Variants in CRACD observed in about 807,000 individuals in gnomAD.
CRACD encodes capping protein-inhibiting regulator of actin dynamics.
Under a neutral mutation model 106.8 loss-of-function variants are expected in CRACD, and 56 were observed. The ratio of observed to expected loss-of-function variants is 0.52; its 90% CI spans 0.42 to 0.66. CRACD has a LOEUF of 0.66. CRACD is among the 30% of genes least tolerant of loss of function. The pLI is 0.00. For missense variants in CRACD, 1,730 were observed against 1,623.2 expected, an observed-to-expected ratio of 1.07 and a Z score of -1.13; for synonymous variants, 754 against 670.8, an observed-to-expected ratio of 1.12 and a Z score of -1.92.
At chr4:56,277,788 A>G (rs1156910275) in intron 3 of CRACD, among the ~76,000 whole-genome samples, 6 of 152,232 alleles carry the variant, frequency 3.9e-5, no homozygotes, top group African/African-American at 1.4e-4. Flanking sequence ...CTATTAGACT[A>G]ATAAACAAGA....
intron 2 of CRACD, among the ~76,000 whole-genome samples, chr4:56,183,149 C>G (rs2109440789): frequency 6.6e-6 from 1 of 151,972 alleles, no homozygotes; most frequent in East Asian, 1.9e-4. Context: ...AGGAGAATTG[C>G]TTGAACCTGG....
At chr4:56,184,430 G>T (rs1416646609) in intron 2 of CRACD, among the ~76,000 whole-genome samples, 1 of 151,966 alleles carries the variant, frequency 6.6e-6, no homozygotes, top group Non-Finnish European at 1.5e-5. Context: ...ATATTCTAGT[G>T]AATTAAAACG....
Position 56,260,712 on chromosome 4 carries a change from A to G in CRACD, c.-188-11609A>G, listed in dbSNP as rs1218742416. Among the ~76,000 whole-genome samples the G allele has an allele frequency of 2.6e-5, 4 of 152,338 alleles. No homozygotes were observed. In the East Asian group the frequency reaches 7.7e-4, roughly 29 times the overall value. Reference sequence around the variant, plus strand: ...AGAGCAGAGGCTTTCCTGAGAGAATACATTCCGCCTTTGGACAGCAGCTTC... The same window carrying G: ...AGAGCAGAGGCTTTCCTGAGAGAATGCATTCCGCCTTTGGACAGCAGCTTC... On this transcript the variant is annotated intron_variant, in intron 2 of 10. Coordinates refer to ENST00000682029, the MANE Select transcript of CRACD (RefSeq NM_001393381.1).
At chr4:56,132,469 A>T (rs1370141237) in intron 1 of CRACD, among the ~76,000 whole-genome samples, 1 of 152,086 alleles carries the variant, frequency 6.6e-6, no homozygotes, top group Admixed American at 6.6e-5. Flanking sequence ...CAGCCTTGCC[A>T]GTAGCTGGGG....
intron 1 of CRACD, among the ~76,000 whole-genome samples, chr4:56,136,779 T>G (rs1298720542): frequency 6.6e-6 from 1 of 152,202 alleles, no homozygotes; most frequent in Non-Finnish European, 1.5e-5. Context: ...GTATTGATTG[T>G]TTCTTTAAGT....
chr4:56,324,077 T>G (rs371102384), intron 9 of CRACD, 27 bp from the exon 10 acceptor site: 86 of 1,580,306 alleles, frequency 5.4e-5, no homozygotes, highest in Non-Finnish European at 7.0e-5. Context: ...GAAAACATGT[T>G]TCCCATGACT....
intron 2 of CRACD, among the ~76,000 whole-genome samples, chr4:56,268,772 T>A (rs966270244): frequency 5.9e-5 from 9 of 152,230 alleles, no homozygotes; most frequent in African/African-American, 2.2e-4. Flanking sequence ...ATTTAAATTT[T>A]AAAAAATCAA....
intron 2 of CRACD, among the ~76,000 whole-genome samples, chr4:56,193,749 CTCAG>C (rs1737480819): frequency 6.6e-6 from 1 of 152,162 alleles, no homozygotes; most frequent in Non-Finnish European, 1.5e-5. Flanking sequence ...TTGGTGTATA[CTCAG>C]TCAAAGAATG....
At chr4:56,109,131 C>T (rs920642241) in intron 1 of CRACD, among the ~76,000 whole-genome samples, 22 of 152,342 alleles carry the variant, frequency 1.4e-4, no homozygotes, top group South Asian at 4.1e-4. Flanking sequence ...GGCCCTTATG[C>T]GGGCGTGACA....
Position 56,314,907 on chromosome 4 carries a change from G to A in CRACD, c.1405G>A (p.Gly469Arg). The A allele has an allele frequency of 1.9e-6, 3 of 1,608,396 alleles. No homozygotes were observed. The highest frequency in any genetic ancestry group is 1.7e-6 in the Non-Finnish European group (2 of 1,178,260). The change falls in exon 8 of 11, where the codon GGG becomes AGG. Residue 469 changes from glycine to arginine, a missense_variant. Gly to Arg is a moderately radical substitution (Grantham distance 125). Around this residue, in one of 5 missense-constraint regions of CRACD, gnomAD observed 1,620 missense variants for 1,481.6 expected, o/e 1.09. Coordinates refer to ENST00000682029, the MANE Select transcript of CRACD (RefSeq NM_001393381.1). This position sits in a 1 kb window ranked among gnomAD's most constrained non-coding sequence, Gnocchi z 4.4. ...ERRREQQGRSGDFQGADRPGP... is the reference protein window; with the variant it reads ...ERRREQQGRSRDFQGADRPGP... ...GCGAAGAGAGCAGCAGGGAAGGAGC[G>A]GGGATTTCCAGGGGGCCGATCGTCC...
At chr4:56,170,914 T>C (rs906891061) in intron 1 of CRACD, among the ~76,000 whole-genome samples, 3 of 152,138 alleles carry the variant, frequency 2.0e-5, no homozygotes, top group African/African-American at 4.8e-5. Flanking sequence ...ACAAGGATAA[T>C]TGGCTGAATT....
intron 2 of CRACD, among the ~76,000 whole-genome samples, chr4:56,203,858 C>T (rs952088152): frequency 1.3e-5 from 2 of 152,172 alleles, no homozygotes; most frequent in Admixed American, 6.5e-5. Flanking sequence ...CTCCAATCCT[C>T]GTTTTCTTTG....
At chr4:56,225,072 T>G (rs1158524724) in intron 2 of CRACD, among the ~76,000 whole-genome samples, 1 of 152,212 alleles carries the variant, frequency 6.6e-6, no homozygotes, top group African/African-American at 2.4e-5. Flanking sequence ...TTTGTGATCT[T>G]CTCTCAACAT....
Position 56,055,756 on chromosome 4 carries a change from A to G in CRACD, c.-336+6457A>G, listed in dbSNP as rs193146311. Among the ~76,000 whole-genome samples the G allele has an allele frequency of 3.3e-5, 5 of 152,346 alleles. No homozygotes were observed. The East Asian group carries it at 9.6e-4, about 29-fold the overall frequency. On this transcript the variant is annotated intron_variant, in intron 1 of 10. Coordinates refer to ENST00000682029, the MANE Select transcript of CRACD (RefSeq NM_001393381.1). ...ACTGTCTTCTAGAGTTAATGAGGTCAGGGTCACAGGTTCAATTCTTGGGAA... is the reference window on the plus strand; with the variant it reads ...ACTGTCTTCTAGAGTTAATGAGGTCGGGGTCACAGGTTCAATTCTTGGGAA...
intron 2 of CRACD, among the ~76,000 whole-genome samples, chr4:56,232,725 T>G (rs964410540): frequency 4.0e-5 from 6 of 150,678 alleles, no homozygotes; most frequent in Non-Finnish European, 8.9e-5. Context: ...TATTTATTTA[T>G]TTATTTATTT....
In CRACD at chr4:56,315,381, A is replaced by G. The variant is rs1396935322; in HGVS notation, c.1879A>G (p.Lys627Glu). ...ACKSLLGLEE[K>E]KHAEAPAGEN... is the part of the protein sequence containing the mutation. Reference sequence around the variant, plus strand: ...CAAGTCCCTCCTGGGCTTGGAGGAGAAGAAGCACGCGGAAGCCCCAGCTGG... The same window carrying G: ...CAAGTCCCTCCTGGGCTTGGAGGAGGAGAAGCACGCGGAAGCCCCAGCTGG... Residue 627 changes from lysine to glutamate, a missense_variant, in exon 8 of 11, where the codon AAG becomes GAG. This residue lies in a region of CRACD where 1,620 missense variants were observed against 1,481.6 expected (regional missense o/e 1.09). Coordinates refer to ENST00000682029, the MANE Select transcript of CRACD (RefSeq NM_001393381.1). This position sits in a 1 kb window ranked among gnomAD's most constrained non-coding sequence, Gnocchi z 4.1. 4 of 1,613,100 alleles carry G rather than the reference A, an allele frequency of 2.5e-6. No individual in the cohort carries two copies. Among genetic ancestry groups the G allele is most frequent in the Non-Finnish European group, 3.4e-6 (4 of 1,179,790 alleles).
intron 1 of CRACD, among the ~76,000 whole-genome samples, chr4:56,104,120 C>G (rs986709442): frequency 5.3e-5 from 8 of 152,156 alleles, no homozygotes; most frequent in Non-Finnish European, 1.0e-4. Context: ...AAATTGTCTT[C>G]GCGCAGTAGC....
chr4:56,321,643 A>T (rs906172134), intron 8 of CRACD, among the ~76,000 whole-genome samples: 1 of 152,374 alleles, frequency 6.6e-6, no homozygotes. Flanking sequence ...GTTAAGTTTC[A>T]GTGTAAAGCA....
intron 3 of CRACD, among the ~76,000 whole-genome samples, chr4:56,275,927 T>G (rs933494250): frequency 2.0e-5 from 3 of 152,174 alleles, no homozygotes; most frequent in African/African-American, 7.2e-5. Context: ...CGGCACTGGG[T>G]GGGAATTGAA....
Sources: gnomAD v4.1 joint callset for allele counts (sites outside exome capture counted in the v4.1 genomes callset) on GRCh38, gnomAD v4.1.1 for gene constraint, gnomAD v4.1.1 regional missense constraint, Gnocchi (gnomAD v3.1) non-coding constraint, MANE v1.5 for transcripts, NCBI Gene and HGNC (gene_info 2026-07-23, HGNC 2026-07-21) for gene names.